GLIS1: variants seen among roughly 807,000 people sequenced by gnomAD.
GLIS1 encodes the protein zinc finger protein GLIS1.
A neutral mutation model predicts 63.8 loss-of-function variants in GLIS1; 24 were observed. The observed-to-expected ratio is 0.38, with a 90% CI of 0.27 to 0.53. GLIS1 has a LOEUF of 0.53. Among genes scored for constraint, GLIS1 ranks in the 20% least tolerant of loss-of-function variants. The pLI is 0.85. For missense variants in GLIS1, 1,036 were observed against 1,074.1 expected, an observed-to-expected ratio of 0.96 and a Z score of 0.50; for synonymous variants, 450 against 482.5, an observed-to-expected ratio of 0.93 and a Z score of 0.88.
intron 2 of GLIS1, among the ~76,000 whole-genome samples, chr1:53,617,353 A>G (rs1645492770): frequency 6.6e-6 from 1 of 152,212 alleles, no homozygotes; most frequent in African/African-American, 2.4e-5. Flanking sequence ...CTGATCATCT[A>G]AGCCTAGAAC....
At chr1:53,627,726 T>C (rs1446911340) in intron 2 of GLIS1, among the ~76,000 whole-genome samples, 1 of 152,138 alleles carries the variant, frequency 6.6e-6, no homozygotes, top group African/African-American at 2.4e-5. Context: ...GGGAGTCCAC[T>C]GGGGACCTCC....
intron 2 of GLIS1, among the ~76,000 whole-genome samples, chr1:53,640,886 T>G (rs1230030901): frequency 1.3e-5 from 2 of 151,912 alleles, no homozygotes; most frequent in Non-Finnish European, 2.9e-5. Flanking sequence ...TGGGCTTGGC[T>G]GAGATGCACA....
intron 2 of GLIS1, among the ~76,000 whole-genome samples, chr1:53,734,415 G>A (rs1322330131): frequency 6.6e-6 from 1 of 152,150 alleles, no homozygotes; most frequent in East Asian, 1.9e-4. Flanking sequence ...CGTTCAGAAG[G>A]CCTTCGTGTG....
At chr1:53,687,424 G>C (rs757303121) in intron 2 of GLIS1, among the ~76,000 whole-genome samples, 1 of 152,092 alleles carries the variant, frequency 6.6e-6, no homozygotes, top group African/African-American at 2.4e-5. Flanking sequence ...TCTATCACCC[G>C]GTCCAACCAG....
chr1:53,712,997 A>AG (rs1171506782), intron 2 of GLIS1, among the ~76,000 whole-genome samples: 1 of 152,242 alleles, frequency 6.6e-6, no homozygotes, highest in Non-Finnish European at 1.5e-5. Context: ...TAAGATGCAG[A>AG]GGGAAAAAAG....
At chr1:53,519,036 T>C (rs1644380384) in intron 7 of GLIS1, among the ~76,000 whole-genome samples, 2 of 152,244 alleles carry the variant, frequency 1.3e-5, no homozygotes, top group East Asian at 1.9e-4. Flanking sequence ...GCTTTCTTTC[T>C]GGCTGAATCA....
At chr1:53,600,059 G>A (rs1645300373) in intron 3 of GLIS1, 42 bp downstream of exon 3, 2 of 1,128,336 alleles carry the variant, frequency 1.8e-6, no homozygotes, top group African/African-American at 3.2e-5. Context: ...TGGTCCTGGG[G>A]CCTCCTGGGA....
Position 53,588,919 on chromosome 1 carries a change from T to C in GLIS1, c.1320+5189A>G, listed in dbSNP as rs934267449. The stretch of plus-strand genomic sequence containing the variant: ...GGGCATGGTAATTCATGGCTGGCCA[T>C]GGTAAGTTTCAGAATATATTAATTC... On this transcript the variant is annotated intron_variant, in intron 4 of 10. Coordinates refer to ENST00000628545, the MANE Select transcript of GLIS1 (RefSeq NM_001367484.1). Among the ~76,000 whole-genome samples, 8 of 152,352 alleles carry C rather than the reference T, an allele frequency of 5.3e-5. No individual in the cohort carries two copies. In the South Asian group the frequency reaches 1.7e-3, roughly 32 times the overall value.
intron 2 of GLIS1, among the ~76,000 whole-genome samples, chr1:53,735,437 C>T (rs1251762131): frequency 6.6e-6 from 1 of 152,188 alleles, no homozygotes; most frequent in East Asian, 1.9e-4. Flanking sequence ...CAAATGAAAA[C>T]CCAGAGGTTG....
At chr1:53,722,616 G>A (rs1170005564) in intron 2 of GLIS1, among the ~76,000 whole-genome samples, 1 of 152,108 alleles carries the variant, frequency 6.6e-6, no homozygotes, top group Non-Finnish European at 1.5e-5. Context: ...CGAGGTGGGA[G>A]TATTGCTTGA....
intron 5 of GLIS1, among the ~76,000 whole-genome samples, chr1:53,525,610 C>T (rs1403575246): frequency 6.6e-6 from 1 of 151,512 alleles, no homozygotes. Flanking sequence ...CTCCTGAATT[C>T]CTGCCCAGGC....
At chr1:53,537,894 G>A (rs891988820) in intron 4 of GLIS1, among the ~76,000 whole-genome samples, 6 of 152,246 alleles carry the variant, frequency 3.9e-5, no homozygotes, top group African/African-American at 1.4e-4. Flanking sequence ...AGGCCATTCA[G>A]GGATCAACTT....
intron 2 of GLIS1, among the ~76,000 whole-genome samples, chr1:53,637,319 G>A (rs1042335420): frequency 1.3e-5 from 2 of 152,246 alleles, no homozygotes; most frequent in African/African-American, 4.8e-5. Flanking sequence ...ACAAGTGGAT[G>A]TTCATGTCTG....
At chr1:53,730,699 G>C (rs565467880) in intron 2 of GLIS1, among the ~76,000 whole-genome samples, 18 of 152,288 alleles carry the variant, frequency 1.2e-4, no homozygotes, top group Middle Eastern at 6.8e-3. Flanking sequence ...CCTCGGACCA[G>C]AACGGCTCCT....
intron 2 of GLIS1, among the ~76,000 whole-genome samples, chr1:53,735,536 C>G (rs1646904126): frequency 6.6e-6 from 1 of 152,346 alleles, no homozygotes; most frequent in East Asian, 1.9e-4. Context: ...ATGATCTCAT[C>G]AGTCTTGCGA....
chr1:53,534,271 T>A (rs1287719167), intron 4 of GLIS1, among the ~76,000 whole-genome samples: 1 of 152,006 alleles, frequency 6.6e-6, no homozygotes, highest in Non-Finnish European at 1.5e-5. Flanking sequence ...GAGGGAGGAC[T>A]TACCTTCAGG....
chr1:53,533,935 C>T (rs1465759734), intron 4 of GLIS1, among the ~76,000 whole-genome samples: 40 of 152,140 alleles, frequency 2.6e-4, no homozygotes, highest in Admixed American at 2.6e-3. Flanking sequence ...GCAAGTATTA[C>T]TGTCTCCACT....
At chr1:53,566,599 A>C (rs1262290826) in intron 4 of GLIS1, among the ~76,000 whole-genome samples, 1 of 152,230 alleles carries the variant, frequency 6.6e-6, no homozygotes, top group Non-Finnish European at 1.5e-5. Flanking sequence ...AGAACTAAAT[A>C]AATAATCCCC....
At position 53,602,062 on chromosome 1, in the gene GLIS1, C is replaced by T. The variant is rs1429218845; in HGVS notation, c.260-1784G>A. 3.3e-5 allele frequency among the ~76,000 whole-genome samples: 5 copies of T among 152,342 alleles called. No homozygotes were observed. The East Asian group carries it at 9.7e-4, about 29-fold the overall frequency. On this transcript the variant is annotated intron_variant, in intron 2 of 10. Coordinates refer to ENST00000628545, the MANE Select transcript of GLIS1 (RefSeq NM_001367484.1). ...GTGGAGAGGACTCGGCAAACATCTG[C>T]TCCCACGCTACCTTCCCAGCCCCAG...
Sources: gnomAD v4.1 joint callset for allele counts (sites outside exome capture counted in the v4.1 genomes callset) on GRCh38, gnomAD v4.1.1 for gene constraint, MANE v1.5 for transcripts, NCBI Gene and HGNC (gene_info 2026-07-23, HGNC 2026-07-21) for gene names.